Variants in EXOC6B observed in about 807,000 individuals in gnomAD.
The protein encoded by EXOC6B is SEC15 homolog B.
In EXOC6B, 54 loss-of-function variants were observed where a neutral mutation model predicts 113.5. The observed-to-expected ratio is 0.48, with a 90% CI of 0.38 to 0.60. EXOC6B has a LOEUF of 0.60. Ranked by LOEUF, EXOC6B falls within the 20% of genes least tolerant of loss-of-function variation. The pLI is 0.00. For missense variants in EXOC6B, 797 were observed against 977.5 expected (o/e 0.82, Z 2.46); for synonymous variants, 357 against 339.0 (o/e 1.05, Z -0.58).
chr2:72,632,980 C>T (rs1258329939), intron 6 of EXOC6B, among the ~76,000 whole-genome samples: 2 of 152,140 alleles, frequency 1.3e-5, no homozygotes, highest in African/African-American at 4.8e-5. Context: ...CCACCAGACA[C>T]CAGTTTTCTT....
chr2:72,502,054 C>T (rs1700352879), intron 11 of EXOC6B, among the ~76,000 whole-genome samples: 1 of 152,108 alleles, frequency 6.6e-6, no homozygotes. Context: ...TCAGCCACCA[C>T]ACTTGGCCTA....
intron 11 of EXOC6B, among the ~76,000 whole-genome samples, chr2:72,500,736 ATGTG>A (rs1414687877): frequency 6.6e-6 from 1 of 152,184 alleles, no homozygotes; most frequent in Admixed American, 6.5e-5. Context: ...GGATACAAAG[ATGTG>A]TATGTCATTA....
At chr2:72,352,481 T>C (rs1313286934) in intron 19 of EXOC6B, among the ~76,000 whole-genome samples, 2 of 152,152 alleles carry the variant, frequency 1.3e-5, no homozygotes, top group African/African-American at 4.8e-5. Flanking sequence ...AAGGTGATAT[T>C]TGGGTTTTTT....
intron 6 of EXOC6B, among the ~76,000 whole-genome samples, chr2:72,604,925 T>C (rs1389488488): frequency 6.6e-6 from 1 of 152,086 alleles, no homozygotes; most frequent in Non-Finnish European, 1.5e-5. Context: ...TGTGTAAAAA[T>C]AAAAGCATCT....
chr2:72,513,805 T>G (rs1701070318), intron 10 of EXOC6B, among the ~76,000 whole-genome samples: 1 of 152,038 alleles, frequency 6.6e-6, no homozygotes, highest in African/African-American at 2.4e-5. Flanking sequence ...TCTTGTGGCT[T>G]TTTGTTATTA....
intron 20 of EXOC6B, among the ~76,000 whole-genome samples, chr2:72,325,749 G>A (rs1003859128): frequency 6.6e-6 from 1 of 151,618 alleles, no homozygotes; most frequent in African/African-American, 2.4e-5. Context: ...CTGTCCTTTC[G>A]GTTTTCTACC....
At chr2:72,700,094 A>G (rs1678201837) in intron 6 of EXOC6B, among the ~76,000 whole-genome samples, 1 of 152,144 alleles carries the variant, frequency 6.6e-6, no homozygotes, top group South Asian at 2.1e-4. Context: ...TTGTTATACT[A>G]TATTGCTTTT....
rs1445538260 is a variant in EXOC6B at position 72,741,407 on chromosome 2, T to C, written c.176A>G (p.Asn59Ser). The C allele has an allele frequency of 2.7e-5, 44 of 1,613,818 alleles. No homozygotes were observed. The highest frequency in any genetic ancestry group is 3.7e-5 in the Non-Finnish European group (44 of 1,179,836). The change falls in exon 2 of 22, where the codon AAT (asparagine) becomes AGT (serine). Residue 59 changes from asparagine (N) to serine (S), a missense_variant. Asn to Ser is a conservative substitution (Grantham distance 46). Transcript: ENST00000272427. ...FMEKLETRIR[N>S]HDREIEKMCN... ...CATTTTCTCAATTTCTCGGTCGTGATTACGGATACGAGTTTCAAGCTTCTC... is the reference window on the plus strand; with the variant it reads ...CATTTTCTCAATTTCTCGGTCGTGACTACGGATACGAGTTTCAAGCTTCTC...
At chr2:72,682,079 G>C (rs1404056353) in intron 6 of EXOC6B, among the ~76,000 whole-genome samples, 1 of 151,130 alleles carries the variant, frequency 6.6e-6, no homozygotes, top group South Asian at 2.1e-4. Flanking sequence ...TACAATGGCT[G>C]GTTAATTCCT....
chr2:72,737,982 T>C (rs1009755356), intron 2 of EXOC6B, among the ~76,000 whole-genome samples: 2 of 152,192 alleles, frequency 1.3e-5, no homozygotes, highest in Non-Finnish European at 2.9e-5. Flanking sequence ...CCTAATACTC[T>C]GTATTTTATT....
chr2:72,666,292 C>T (rs113196830), intron 6 of EXOC6B, among the ~76,000 whole-genome samples: 1 of 152,128 alleles, frequency 6.6e-6, no homozygotes, highest in African/African-American at 2.4e-5. Flanking sequence ...ATGCTCAAAC[C>T]ACTAGACCTA....
intron 20 of EXOC6B, among the ~76,000 whole-genome samples, chr2:72,310,850 AACACACAC>A (rs375159478): frequency 0.012 from 1,503 of 120,342 alleles, 60 homozygotes; most frequent in Non-Finnish European, 6.8e-3. Context: ...TATTTCATTT[AACACACAC>A]ACACACACAC....
At chr2:72,201,374 C>A (rs917645878) in intron 20 of EXOC6B, among the ~76,000 whole-genome samples, 4 of 151,942 alleles carry the variant, frequency 2.6e-5, no homozygotes, top group African/African-American at 7.3e-5. Flanking sequence ...AGGCAGCCTG[C>A]TAGGTGAGTA....
intron 20 of EXOC6B, among the ~76,000 whole-genome samples, chr2:72,286,822 CT>C (rs972203817): frequency 8.6e-5 from 13 of 151,842 alleles, no homozygotes; most frequent in African/African-American, 2.7e-4. Context: ...ATACGAAGTC[CT>C]TTTTAAAAAA....
intron 8 of EXOC6B, among the ~76,000 whole-genome samples, chr2:72,543,831 G>A (rs535701404): frequency 1.3e-5 from 2 of 152,308 alleles, no homozygotes; most frequent in South Asian, 4.1e-4. Flanking sequence ...AGTGAAACTA[G>A]GAGGCAGTAA....
chr2:72,537,973 C>CTTT (rs200117521), intron 8 of EXOC6B, among the ~76,000 whole-genome samples: 1 of 139,984 alleles, frequency 7.1e-6, no homozygotes, highest in Non-Finnish European at 1.6e-5. Flanking sequence ...ATGACTAAGA[C>CTTT]TTTTTTTTTT....
intron 6 of EXOC6B, among the ~76,000 whole-genome samples, chr2:72,670,698 ACTTT>A (rs1315531256): frequency 6.6e-6 from 1 of 152,156 alleles, no homozygotes; most frequent in South Asian, 2.1e-4. Flanking sequence ...CACAGTGAAA[ACTTT>A]CTTTATTATT....
In EXOC6B at chr2:72,752,860, C is replaced by T. The variant is rs576258304; in HGVS notation, c.114-11391G>A. ...CCTCTTTTTAAAATCTCTATTCCCA[C>T]GGCTTCTATTACACTCCTTCTTGGT... On this transcript the variant is annotated intron_variant, in intron 1 of 21. Coordinates refer to ENST00000272427, the MANE Select transcript of EXOC6B (RefSeq NM_015189.3). Among the ~76,000 whole-genome samples the T allele has an allele frequency of 5.9e-5, 9 of 152,180 alleles. 1 individual carries two copies. The highest frequency in any genetic ancestry group is 3.9e-4 in the East Asian group (2 of 5,182).
intron 20 of EXOC6B, among the ~76,000 whole-genome samples, chr2:72,239,119 G>C (rs1427340435): frequency 6.6e-6 from 1 of 152,138 alleles, no homozygotes; most frequent in East Asian, 1.9e-4. Flanking sequence ...TCAAACTCCT[G>C]GGCTCAAGCA....
Sources: allele counts gnomAD v4.1 joint callset (sites outside exome capture counted in the v4.1 genomes callset), GRCh38; gene constraint gnomAD v4.1.1; transcripts MANE v1.5; gene names NCBI Gene and HGNC (gene_info 2026-07-23, HGNC 2026-07-21).